ARHGAP15: variants seen among roughly 807,000 people sequenced by gnomAD.
The protein encoded by ARHGAP15 is Rho GTPase activating protein 15.
ARHGAP15 carries 51 observed loss-of-function variants against 63.7 expected under a neutral mutation model. The ratio of observed to expected loss-of-function variants is 0.80; its 90% CI spans 0.64 to 1.01. The LOEUF (loss-of-function observed/expected upper bound fraction) is 1.01. Among genes scored for constraint, ARHGAP15 ranks in the 50% least tolerant of loss-of-function variants. The probability of loss-of-function intolerance (pLI) is 0.00; values close to 1 mark genes in which losing one functional copy is unlikely to be tolerated. For missense variants in ARHGAP15, 560 were observed against 564.6 expected, an observed-to-expected ratio of 0.99 and a Z score of 0.08; for synonymous variants, 191 against 193.8, an observed-to-expected ratio of 0.99 and a Z score of 0.12.
intron 12 of ARHGAP15, among the ~76,000 whole-genome samples, chr2:143,662,435 C>T (rs1388877225): frequency 7.0e-6 from 1 of 143,838 alleles, no homozygotes; most frequent in South Asian, 2.4e-4. Flanking sequence ...TCATCAAAGA[C>T]CAAAAGTAGA....
At chr2:143,157,993 T>C (rs1296762022) in intron 2 of ARHGAP15, among the ~76,000 whole-genome samples, 1 of 151,744 alleles carries the variant, frequency 6.6e-6, no homozygotes, top group East Asian at 1.9e-4. Context: ...AAATCAAAAG[T>C]ATTTAGAGAT....
chr2:143,210,872 T>C (rs889278982), intron 3 of ARHGAP15, among the ~76,000 whole-genome samples: 4 of 151,458 alleles, frequency 2.6e-5, no homozygotes, highest in African/African-American at 9.7e-5. Context: ...CATCCAACTT[T>C]AGATATTTGG....
intron 11 of ARHGAP15, among the ~76,000 whole-genome samples, chr2:143,602,578 T>G (rs1251472892): frequency 2.0e-5 from 3 of 151,752 alleles, no homozygotes; most frequent in East Asian, 3.9e-4. Context: ...AGAGTAGAGA[T>G]TCCATGAAAG....
At chr2:143,660,027 C>A (rs189871474) in intron 12 of ARHGAP15, among the ~76,000 whole-genome samples, 2 of 152,120 alleles carry the variant, frequency 1.3e-5, no homozygotes, top group Non-Finnish European at 2.9e-5. Context: ...TGGGTAGACA[C>A]GTGGTCTGTG....
chr2:143,542,633 A>AT (rs1225977322), intron 10 of ARHGAP15, among the ~76,000 whole-genome samples: 3 of 144,292 alleles, frequency 2.1e-5, no homozygotes, highest in African/African-American at 7.6e-5. Flanking sequence ...TATATATATG[A>AT]TTTAAAATAT....
chr2:143,552,170 A>G (rs1695595601), intron 10 of ARHGAP15, among the ~76,000 whole-genome samples: 1 of 152,190 alleles, frequency 6.6e-6, no homozygotes, highest in African/African-American at 2.4e-5. Flanking sequence ...TGTTTGTGCA[A>G]AATTCCCAGC....
intron 11 of ARHGAP15, among the ~76,000 whole-genome samples, chr2:143,583,691 T>C (rs559429806): frequency 6.6e-6 from 1 of 152,358 alleles, no homozygotes; most frequent in East Asian, 1.9e-4. Context: ...TATTTAAACA[T>C]GATCAAGTTA....
At chr2:143,634,901 G>A (rs1052227458) in intron 12 of ARHGAP15, among the ~76,000 whole-genome samples, 6 of 151,852 alleles carry the variant, frequency 4.0e-5, no homozygotes, top group Non-Finnish European at 8.8e-5. Flanking sequence ...CAGCTTCTCC[G>A]ACCTGAGCTT....
intron 2 of ARHGAP15, among the ~76,000 whole-genome samples, chr2:143,183,953 C>CTCTTT (rs1481745953): frequency 6.6e-6 from 1 of 152,048 alleles, no homozygotes; most frequent in African/African-American, 2.4e-5. Flanking sequence ...CTTGAGAGCT[C>CTCTTT]GTTCTTTCTC....
At chr2:143,666,278 A>G (rs1346446791) in intron 12 of ARHGAP15, among the ~76,000 whole-genome samples, 2 of 149,148 alleles carry the variant, frequency 1.3e-5, no homozygotes, top group Non-Finnish European at 3.0e-5. Context: ...GTCTACAACT[A>G]TCTGATCTTT....
Position 143,181,509 on chromosome 2 carries a change from A to G in ARHGAP15, c.166-20625A>G, listed in dbSNP as rs372876328. ...ATCAATAATTTTAGCTGGATCTTCTAGATAACTTGCTGCAGCTTCTACAAC... is the reference window on the plus strand; with the variant it reads ...ATCAATAATTTTAGCTGGATCTTCTGGATAACTTGCTGCAGCTTCTACAAC... On this transcript the variant is annotated intron_variant, in intron 2 of 13. Transcript: ENST00000295095. Among the ~76,000 whole-genome samples, 15 of 152,364 alleles carry G rather than the reference A, an allele frequency of 9.8e-5. No homozygotes were observed. In the East Asian group the frequency reaches 2.5e-3, roughly 25 times the overall value.
At chr2:143,653,906 G>A (rs1284079783) in intron 12 of ARHGAP15, among the ~76,000 whole-genome samples, 1 of 152,116 alleles carries the variant, frequency 6.6e-6, no homozygotes, top group East Asian at 1.9e-4. Flanking sequence ...CCCAGATTCT[G>A]GAAGTTTTTC....
intron 10 of ARHGAP15, among the ~76,000 whole-genome samples, chr2:143,548,697 C>T (rs544152075): frequency 6.6e-6 from 1 of 151,376 alleles, no homozygotes; most frequent in South Asian, 2.1e-4. Flanking sequence ...AAAAATGAGC[C>T]AATAAAATCT....
At chr2:143,344,863 A>T (rs944164734) in intron 6 of ARHGAP15, among the ~76,000 whole-genome samples, 6 of 152,142 alleles carry the variant, frequency 3.9e-5, no homozygotes, top group African/African-American at 1.2e-4. Flanking sequence ...AATATCACAT[A>T]GTCAAAAGGG....
intron 8 of ARHGAP15, among the ~76,000 whole-genome samples, chr2:143,460,925 G>C (rs1690901154): frequency 6.6e-6 from 1 of 152,084 alleles, no homozygotes; most frequent in African/African-American, 2.4e-5. Context: ...GGGAATAGAG[G>C]CCCCTTCTGC....
chr2:143,413,602 G>A (rs1326688283), intron 6 of ARHGAP15, among the ~76,000 whole-genome samples: 1 of 151,946 alleles, frequency 6.6e-6, no homozygotes, highest in Non-Finnish European at 1.5e-5. Context: ...TCTTGAATAG[G>A]TTGGACTACA....
chr2:143,357,456 GA>G (rs1316262255), intron 6 of ARHGAP15, among the ~76,000 whole-genome samples: 1 of 152,088 alleles, frequency 6.6e-6, no homozygotes, highest in Non-Finnish European at 1.5e-5. Flanking sequence ...TAGGTGGCTA[GA>G]AATCTTAATT....
intron 10 of ARHGAP15, 26 bp downstream of exon 10, chr2:143,519,390 C>A: frequency 3.9e-6 from 6 of 1,548,936 alleles, no homozygotes; most frequent in Non-Finnish European, 5.3e-6. Context: ...TGCAGCAGTT[C>A]CCCCCATTAC....
At chr2:143,247,723 C>T (rs1408572594) in intron 5 of ARHGAP15, among the ~76,000 whole-genome samples, 3 of 152,172 alleles carry the variant, frequency 2.0e-5, no homozygotes, top group Admixed American at 1.3e-4. Flanking sequence ...GTGGGTAACA[C>T]ATTGACACAT....
Sources: allele counts gnomAD v4.1 joint callset (sites outside exome capture counted in the v4.1 genomes callset), GRCh38; gene constraint gnomAD v4.1.1; transcripts MANE v1.5; gene names NCBI Gene and HGNC (gene_info 2026-07-23, HGNC 2026-07-21).